Variants in SHISA9 observed in about 807,000 individuals in gnomAD.
SHISA9 encodes the protein shisa family member 9.
SHISA9 carries 13 observed loss-of-function variants against 38.0 expected under a neutral mutation model. The ratio of observed to expected loss-of-function variants is 0.34; its 90% confidence interval spans 0.22 to 0.54. The LOEUF (loss-of-function observed/expected upper bound fraction) is 0.54, where lower values mean the gene tolerates loss of function less well. Among genes scored for constraint, SHISA9 ranks in the 20% least tolerant of loss-of-function variants. The pLI is 0.91. For synonymous variants in SHISA9, 275 were observed against 242.0 expected, an observed-to-expected ratio of 1.14 and a Z score of -1.27; for missense variants, 538 against 575.8, an observed-to-expected ratio of 0.93 and a Z score of 0.67.
rs190729444 is a variant in SHISA9 at position 12,979,708 on chromosome 16, C to T, written c.691+62893C>T. 1.4e-3 allele frequency among the ~76,000 whole-genome samples: 217 copies of T among 152,052 alleles called. 3 individuals are homozygous for T. The highest frequency in any genetic ancestry group is 2.6e-3 in the Non-Finnish European group (177 of 67,994). On this transcript the variant is annotated intron_variant, in intron 2 of 4. Transcript: ENST00000558583. Reference sequence around the variant, plus strand: ...CTCACTTACTAAGATTTATCTATAACGTTGTGTGTTGCTGTGGTACATTTG... The same window carrying T: ...CTCACTTACTAAGATTTATCTATAATGTTGTGTGTTGCTGTGGTACATTTG...
the SHISA9 span, among the ~76,000 whole-genome samples, chr16:13,557,077 G>T: frequency 6.6e-6 from 1 of 152,068 alleles, no homozygotes; most frequent in Non-Finnish European, 1.5e-5. Context: ...ACTTAAAACA[G>T]TGCCTGGCAT....
chr16:13,019,020 GA>G lies in SHISA9; in HGVS notation c.691+102206del, dbSNP rs5815734. On this transcript the variant is annotated intron_variant, in intron 2 of 4. Coordinates refer to ENST00000558583, the MANE Select transcript of SHISA9 (RefSeq NM_001145204.3). ...TATTTTCTTTTTTTTCTTTTTTTGA[GA>G]CAGAGTCTTGCTCTGTTGCTCAGGC... 6.4e-3 allele frequency among the ~76,000 whole-genome samples: 966 copies of G among 152,008 alleles called. 12 individuals are homozygous for G. Among genetic ancestry groups the G allele is most frequent in the African/African-American group, 0.022 (929 of 41,464 alleles).
chr16:13,003,715 G>T (rs533531392), intron 2 of SHISA9, among the ~76,000 whole-genome samples: 1 of 152,034 alleles, frequency 6.6e-6, no homozygotes, highest in Non-Finnish European at 1.5e-5. Flanking sequence ...AAGATTAGCC[G>T]GGCATGGTGG....
chr16:13,139,435 T>TCCTTCCTTCCTTCTTCTC (rs1567224902), intron 2 of SHISA9, among the ~76,000 whole-genome samples: 3 of 138,546 alleles, frequency 2.2e-5, no homozygotes, highest in African/African-American at 8.1e-5. Flanking sequence ...CCTTCCTTCT[T>TCCTTCCTTCCTTCTTCTC]CTCTTCCTCT....
chr16:13,438,721 A>G, the SHISA9 span, among the ~76,000 whole-genome samples: 1 of 152,226 alleles, frequency 6.6e-6, no homozygotes, highest in African/African-American at 2.4e-5. Context: ...TAACCGCTGG[A>G]GAAGAACCAG....
chr16:13,496,557 C>A, the SHISA9 span, among the ~76,000 whole-genome samples: 1 of 150,720 alleles, frequency 6.6e-6, no homozygotes, highest in African/African-American at 2.4e-5. Context: ...CTAGTAAATC[C>A]AATAGGTCAT....
intron 2 of SHISA9, among the ~76,000 whole-genome samples, chr16:12,966,362 G>T (rs951314231): frequency 1.3e-5 from 2 of 151,738 alleles, no homozygotes; most frequent in African/African-American, 4.8e-5. Flanking sequence ...ATCCTAAAGC[G>T]CTTTATCTCT....
At chr16:13,232,295 TTAAAA>T (rs1310390891) in intron 4 of SHISA9, among the ~76,000 whole-genome samples, 23 of 151,942 alleles carry the variant, frequency 1.5e-4, no homozygotes, top group African/African-American at 3.9e-4. Flanking sequence ...AATTCAGAAA[TTAAAA>T]TAAAATAAAA....
the SHISA9 span, among the ~76,000 whole-genome samples, chr16:13,489,746 A>C: frequency 6.6e-6 from 1 of 152,220 alleles, no homozygotes; most frequent in Non-Finnish European, 1.5e-5. Flanking sequence ...CTTTACTAGC[A>C]CCGTGAGAGC....
rs575735828 is a variant in SHISA9 at position 13,101,145 on chromosome 16, AG to A, written c.692-102247del. Among the ~76,000 whole-genome samples the A allele has an allele frequency of 1.8e-4, 27 of 152,298 alleles. 1 individual carries two copies. In the East Asian group the frequency reaches 5.2e-3, roughly 29 times the overall value. ...AGAGGGAAGTGGGGAGATATTGACC[AG>A]GTTTCACTTGTGCAAGATGAATGAG... On this transcript the variant is annotated intron_variant, in intron 2 of 4. Coordinates refer to ENST00000558583, the MANE Select transcript of SHISA9 (RefSeq NM_001145204.3).
intron 2 of SHISA9, among the ~76,000 whole-genome samples, chr16:13,150,862 A>C (rs2050493059): frequency 6.6e-6 from 1 of 152,190 alleles, no homozygotes; most frequent in African/African-American, 2.4e-5. Flanking sequence ...TCAAAACCAC[A>C]ATGTAACGTT....
the SHISA9 span, among the ~76,000 whole-genome samples, chr16:13,357,948 A>G: frequency 6.6e-6 from 1 of 152,154 alleles, no homozygotes; most frequent in African/African-American, 2.4e-5. Flanking sequence ...AAGGTGGGGC[A>G]GGGCATATTC....
At chr16:13,104,708 G>T (rs989320633) in intron 2 of SHISA9, among the ~76,000 whole-genome samples, 1 of 152,022 alleles carries the variant, frequency 6.6e-6, no homozygotes, top group African/African-American at 2.4e-5. Flanking sequence ...TGGAGGTGAA[G>T]ATTAACAGCA....
the SHISA9 span, among the ~76,000 whole-genome samples, chr16:13,333,865 A>C: frequency 6.6e-6 from 1 of 152,156 alleles, no homozygotes; most frequent in Non-Finnish European, 1.5e-5. Context: ...TTTCTCATTA[A>C]AACTTCATAA....
chr16:13,458,090 A>T, the SHISA9 span, among the ~76,000 whole-genome samples: 1 of 152,178 alleles, frequency 6.6e-6, no homozygotes, highest in Non-Finnish European at 1.5e-5. Context: ...ACCTATATTG[A>T]GCACCTACCA....
chr16:13,511,884 C>T, the SHISA9 span, among the ~76,000 whole-genome samples: 1 of 152,126 alleles, frequency 6.6e-6, no homozygotes, highest in South Asian at 2.1e-4. Flanking sequence ...CTATCCAAGT[C>T]TAGGACTTTT....
At chr16:12,928,221 G>A (rs1323411351) in intron 2 of SHISA9, among the ~76,000 whole-genome samples, 1 of 151,618 alleles carries the variant, frequency 6.6e-6, no homozygotes, top group African/African-American at 2.4e-5. Context: ...ACATAGATTT[G>A]CATTTTTGGT....
intron 2 of SHISA9, among the ~76,000 whole-genome samples, chr16:13,024,541 C>G (rs1395194152): frequency 1.3e-5 from 2 of 152,198 alleles, no homozygotes; most frequent in African/African-American, 4.8e-5. Flanking sequence ...CTTACTCCCA[C>G]CAGTGCTGGG....
chr16:13,552,636 G>A, the SHISA9 span, among the ~76,000 whole-genome samples: 2 of 152,304 alleles, frequency 1.3e-5, no homozygotes, highest in South Asian at 2.1e-4. Flanking sequence ...AACGGATGAC[G>A]CTGCTATTTA....
Sources: allele counts gnomAD v4.1 joint callset (sites outside exome capture counted in the v4.1 genomes callset), GRCh38; gene constraint gnomAD v4.1.1; transcripts MANE v1.5; gene names NCBI Gene and HGNC (gene_info 2026-07-23, HGNC 2026-07-21).